Variants in CIITA observed in about 807,000 individuals in gnomAD.
CIITA encodes MHC class II transactivator.
A neutral mutation model predicts 115.1 loss-of-function variants in CIITA; 72 were observed. The ratio of observed to expected loss-of-function variants is 0.63; its 90% CI spans 0.52 to 0.76. The LOEUF (loss-of-function observed/expected upper bound fraction) is 0.76. Among genes scored for constraint, CIITA ranks in the 30% least tolerant of loss-of-function variants. The pLI, the probability that CIITA is intolerant of heterozygous loss-of-function variation, is 0.00. For missense variants in CIITA, 1,617 were observed against 1,463.8 expected (o/e 1.10, Z -1.71); for synonymous variants, 763 against 635.6 (o/e 1.20, Z -3.02).
At position 10,936,175 on chromosome 16, in the gene CIITA, T is replaced by C. The variant is rs1949064106; in HGVS notation, c.*12320T>C. On this transcript the variant is annotated 3_prime_UTR_variant, in exon 20 of 20. Transcript: ENST00000324288. The stretch of plus-strand genomic sequence containing the variant: ...CTCGCTATTTTTTTTTTCCTACTTT[T>C]TGTAGAGACGGGGTCTCACTATGTT... The C allele has an allele frequency of 6.6e-6, 1 of 152,038 alleles. No homozygotes were observed. The highest frequency in any genetic ancestry group is 1.5e-5 in the Non-Finnish European group (1 of 68,012). The allele number at this position is 152,038 out of a possible 1,614,324, so 9.4% of individuals were successfully genotyped here. A position where few individuals can be genotyped will look rare whatever the true frequency, so the allele number is the denominator to read the frequency against.
chr16:10,900,434 C>G (rs1461309910), intron 5 of CIITA, among the ~76,000 whole-genome samples: 3 of 152,080 alleles, frequency 2.0e-5, no homozygotes, highest in Admixed American at 6.6e-5. Flanking sequence ...TATTTCCCCC[C>G]AAGATTTTAT....
intron 1 of CIITA, among the ~76,000 whole-genome samples, chr16:10,869,961 T>C (rs546149102): frequency 1.3e-5 from 2 of 151,938 alleles, no homozygotes; most frequent in Non-Finnish European, 2.9e-5. Flanking sequence ...ACAGGGTAGG[T>C]ATGCAATATA....
chr16:10,909,210 G>A (rs1220478299), intron 12 of CIITA, 23 bp downstream of exon 12: 1 of 1,612,866 alleles, frequency 6.2e-7, no homozygotes, highest in South Asian at 1.1e-5. Flanking sequence ...GCGGATGGGA[G>A]GTGGTTCACG....
intron 1 of CIITA, among the ~76,000 whole-genome samples, chr16:10,890,675 G>A (rs1168663602): frequency 6.6e-6 from 1 of 152,112 alleles, no homozygotes; most frequent in Admixed American, 6.6e-5. Flanking sequence ...GTTTGACCTC[G>A]GAAGAAATGG....
Position 10,908,029 on chromosome 16 carries a change from A to G in CIITA, c.2537A>G (p.His846Arg), listed in dbSNP as rs1279467526. 1 of 1,611,340 alleles carries G rather than the reference A, an allele frequency of 6.2e-7. No individual in the cohort carries two copies. Among genetic ancestry groups the G allele is most frequent in the Non-Finnish European group, 8.5e-7 (1 of 1,177,854 alleles). ...ACCCGCCTCACGCCTCCTGATGCACATGTACTGGGCAAGGCCTTGGAGGCG... is the reference window on the plus strand; with the variant it reads ...ACCCGCCTCACGCCTCCTGATGCACGTGTACTGGGCAAGGCCTTGGAGGCG... The part of the protein sequence containing the change: ...LGTRLTPPDA[H>R]VLGKALEAAG... Residue 846 changes from histidine (H) to arginine (R), a missense_variant, in exon 11 of 20, where the codon CAT becomes CGT. His to Arg is a conservative substitution (Grantham distance 29, BLOSUM62 0). Transcript: ENST00000324288.
At chr16:10,905,157 A>G (rs2039051688) in intron 10 of CIITA, among the ~76,000 whole-genome samples, 1 of 152,228 alleles carries the variant, frequency 6.6e-6, no homozygotes, top group African/African-American at 2.4e-5. Flanking sequence ...AAGTGGGAAT[A>G]AACCAGTGAA....
Position 10,906,732 on chromosome 16 carries a change from C to T in CIITA, c.1240C>T (p.Arg414Ter), listed in dbSNP as rs2144701260. The T allele has an allele frequency of 1.9e-6, 3 of 1,610,802 alleles. No individual in the cohort carries two copies. The highest frequency in any genetic ancestry group is 1.7e-6 in the Non-Finnish European group (2 of 1,179,772). ...AKEHRRPRET[R>*]VIAVLGKAGQ... ...GGAGCACCGGCGGCCGCGTGAGACACGAGTGATTGCTGTGCTGGGCAAAGC... is the reference window on the plus strand; with the variant it reads ...GGAGCACCGGCGGCCGCGTGAGACATGAGTGATTGCTGTGCTGGGCAAAGC... Residue 414 changes from arginine (R) to a stop codon, truncating the protein, a stop_gained, in exon 11 of 20, where the codon CGA becomes TGA. Transcript: ENST00000324288. LOFTEE classifies it high-confidence loss of function.
intron 11 of CIITA, 22 bp from the exon 12 acceptor site, chr16:10,909,007 G>A: frequency 6.2e-7 from 1 of 1,613,988 alleles, no homozygotes; most frequent in Non-Finnish European, 8.5e-7. Flanking sequence ...CCGTGCCTGG[G>A]TCTGAGGCCC....
At position 10,901,300 on chromosome 16, in the gene CIITA, T is replaced by C. The variant is rs1448865677; in HGVS notation, c.437-214T>C. ...GTGTCCCCATTTGTGACTCGGCCTC[T>C]TCTGCTGCTACACTGCCTGGTATGG... On this transcript the variant is annotated intron_variant, in intron 5 of 19. Transcript: ENST00000324288. The surrounding 1 kb of genome is among the most constrained non-coding windows in gnomAD (Gnocchi z 6.8). Among the ~76,000 whole-genome samples, 1 of 152,180 alleles carries C rather than the reference T, an allele frequency of 6.6e-6. No individual in the cohort carries two copies.
downstream of CIITA, chr16:10,939,267 A>G (rs1830359844): frequency 6.6e-6 from 1 of 152,224 alleles, no homozygotes; most frequent in Admixed American, 6.5e-5. The surrounding 1 kb of genome is among the most constrained non-coding windows in gnomAD (Gnocchi z 4.9). Flanking sequence ...GACAACTAAC[A>G]GCATCTGAGG....
intron 15 of CIITA, chr16:10,916,907 C>A: frequency 3.5e-6 from 1 of 285,450 alleles, no homozygotes. Context: ...CCTGGAGACC[C>A]AGCTTTAAAC....
Position 10,902,115 on chromosome 16 carries a change from C to G in CIITA, c.559C>G (p.Leu187Val). Residue 187 changes from leucine to valine, a missense_variant, in exon 7 of 20, where the codon CTG becomes GTG. Coordinates refer to ENST00000324288, the MANE Select transcript of CIITA (RefSeq NM_000246.4). ...CTGCTCCACCCTGCCCTGCCTGCCA[C>G]TGCCTGCGCTGTTCAACCAGGAGCC... ...SDCSTLPCLP[L>V]PALFNQEPAS... 6.2e-7 allele frequency: 1 copy of G among 1,614,234 alleles called. No individual in the cohort carries two copies. Among genetic ancestry groups the G allele is most frequent in the East Asian group, 2.2e-5 (1 of 44,878 alleles).
At position 10,879,637 on chromosome 16, in the gene CIITA, T is replaced by C. The variant is rs1383927297; in HGVS notation, c.52+2255T>C. Among the ~76,000 whole-genome samples, 1 of 126,346 alleles carries C rather than the reference T, an allele frequency of 7.9e-6. No homozygotes were observed. The highest frequency in any genetic ancestry group is 1.7e-5 in the Non-Finnish European group (1 of 60,266). The allele number at this position is 126,346 out of a possible 152,430, so 82.9% of individuals were successfully genotyped here. A position where few individuals can be genotyped will look rare whatever the true frequency, so the allele number is the denominator to read the frequency against. On this transcript the variant is annotated intron_variant, in intron 1 of 19. Coordinates refer to ENST00000324288, the MANE Select transcript of CIITA (RefSeq NM_000246.4). This position sits in a 1 kb window ranked among gnomAD's most constrained non-coding sequence, Gnocchi z 4.3. ...CGAAGGTGTGTGTTGTTGGGAGGGG[T>C]GGGGGAGGGATCCCCCCGGACTGAA...
chr16:10,904,833 C>G, intron 10 of CIITA, 21 bp downstream of exon 10: 1 of 1,613,760 alleles, frequency 6.2e-7, no homozygotes, highest in Non-Finnish European at 8.5e-7. Context: ...CGGGATCTCT[C>G]TGCCCTGGGT....
rs576788091 is a variant in CIITA at position 10,880,587 on chromosome 16, C to T, written c.52+3205C>T. On this transcript the variant is annotated intron_variant, in intron 1 of 19. Coordinates refer to ENST00000324288, the MANE Select transcript of CIITA (RefSeq NM_000246.4). ...TGCAGCAAGCAGATGTGAACCTCCA[C>T]AAATGCAGGGCAGGTCCCAGGCAGT... 5.5e-4 allele frequency among the ~76,000 whole-genome samples: 84 copies of T among 152,332 alleles called. No individual in the cohort carries two copies. The South Asian group carries it at 0.017, about 30-fold the overall frequency.
intron 1 of CIITA, chr16:10,888,471 G>C (rs117640172): frequency 6.6e-6 from 1 of 152,378 alleles, no homozygotes; most frequent in East Asian, 1.9e-4. Flanking sequence ...GATAGTTTAA[G>C]TCTGAGTTAG....
chr16:10,907,979 C>A lies in CIITA; in HGVS notation c.2487C>A (p.Leu829=). ...AGIWQHVVQE[L]PGRLSFLGTR... ...TTTGGCAGCACGTGGTACAGGAGCT[C>A]CCCGGCCGCCTCTCTTTTCTGGGCA... is the stretch of plus-strand genomic sequence containing the variant. Residue 829 remains leucine, a synonymous_variant, in exon 11 of 20, where the codon CTC becomes CTA. Coordinates refer to ENST00000324288, the MANE Select transcript of CIITA (RefSeq NM_000246.4). The surrounding 1 kb of genome is among the most constrained non-coding windows in gnomAD (Gnocchi z 5.0). The A allele has an allele frequency of 6.3e-7, 1 of 1,583,582 alleles. No individual in the cohort carries two copies. Among genetic ancestry groups the A allele is most frequent in the South Asian group, 1.2e-5 (1 of 86,276 alleles).
In CIITA at chr16:10,901,210, G is replaced by C. The variant is rs1448672438; in HGVS notation, c.437-304G>C. 6.6e-6 allele frequency among the ~76,000 whole-genome samples: 1 copy of C among 152,222 alleles called. No homozygotes were observed. Among genetic ancestry groups the C allele is most frequent in the Non-Finnish European group, 1.5e-5 (1 of 68,028 alleles). ...GCTGCATTGCAAAGGCACACAGCTA[G>C]GAAGCGGTTCAAAAGCAGGTTCCTT... On this transcript the variant is annotated intron_variant, in intron 5 of 19. Coordinates refer to ENST00000324288, the MANE Select transcript of CIITA (RefSeq NM_000246.4). This position sits in a 1 kb window ranked among gnomAD's most constrained non-coding sequence, Gnocchi z 6.8.
Position 10,929,237 on chromosome 16 carries a change from G to C in CIITA, c.*5382G>C, listed in dbSNP as rs2040668958. 1.0e-6 allele frequency: 1 copy of C among 985,776 alleles called. No homozygotes were observed. Among genetic ancestry groups the C allele is most frequent in the Non-Finnish European group, 1.2e-6 (1 of 829,954 alleles). The allele number at this position is 985,776 out of a possible 1,614,324, so 61.1% of individuals were successfully genotyped here. On this transcript the variant is annotated 3_prime_UTR_variant, in exon 20 of 20. Coordinates refer to ENST00000324288, the MANE Select transcript of CIITA (RefSeq NM_000246.4). This position sits in a 1 kb window ranked among gnomAD's most constrained non-coding sequence, Gnocchi z 4.3. ...CTCACATCAAACGGAGCTGGGAGTC[G>C]CTTTTGCGTGTGTCCGCAGTTTGAA...
Sources: gnomAD v4.1 joint callset for allele counts (sites outside exome capture counted in the v4.1 genomes callset) on GRCh38, gnomAD v4.1.1 for gene constraint, Gnocchi (gnomAD v3.1) non-coding constraint, MANE v1.5 for transcripts, NCBI Gene and HGNC (gene_info 2026-07-23, HGNC 2026-07-21) for gene names.